The following SUPT5H variants were observed in gnomAD, a reference collection of about 807,000 sequenced individuals.
SUPT5H encodes SPT5 homolog, DSIF elongation factor subunit.
SUPT5H carries 24 observed loss-of-function variants against 142.5 expected under a neutral mutation model. That is an observed-to-expected ratio of 0.17 (90% CI 0.12 to 0.24). The LOEUF (loss-of-function observed/expected upper bound fraction) is 0.24, where lower values mean the gene tolerates loss of function less well. SUPT5H is among the 10% of genes least tolerant of loss of function. SUPT5H has a pLI of 1.00. For synonymous variants in SUPT5H, 546 were observed against 553.0 expected (o/e 0.99, Z 0.18); for missense variants, 893 against 1,471.8 (o/e 0.61, Z 6.43).
intron 13 of SUPT5H, chr19:39,467,957 C>A (rs2079265312): frequency 6.6e-6 from 1 of 152,296 alleles, no homozygotes; most frequent in East Asian, 1.9e-4. Context: ...GCTCCCTTAC[C>A]CCCCAGCAAG....
chr19:39,454,898 A>G lies in SUPT5H; in HGVS notation c.241+1377A>G, dbSNP rs80296507. Among the ~76,000 whole-genome samples the G allele has an allele frequency of 1.2e-3, 180 of 152,300 alleles. 2 individuals are homozygous for G. In the East Asian group the frequency reaches 0.025, roughly 21 times the overall value. On this transcript the variant is annotated intron_variant, in intron 3 of 29. Transcript: ENST00000432763. ...CAAGAGAATGGATACCATGCTGGGT[A>G]AAAGCTGTGGGTTCCCAGGGACACC...
At chr19:39,457,315 A>G (rs1346507610) in intron 3 of SUPT5H, among the ~76,000 whole-genome samples, 3 of 151,836 alleles carry the variant, frequency 2.0e-5, no homozygotes, top group Non-Finnish European at 3.0e-5. Context: ...TACAAGAATC[A>G]TAAAACCAAC....
At chr19:39,468,543 A>G in intron 13 of SUPT5H, 1 of 581,700 alleles carries the variant, frequency 1.7e-6, no homozygotes, top group Non-Finnish European at 3.1e-6. Context: ...GCTCAAAGAT[A>G]AATCAGGGAA....
intron 3 of SUPT5H, among the ~76,000 whole-genome samples, chr19:39,456,459 C>T (rs1047535329): frequency 6.6e-6 from 1 of 151,340 alleles, no homozygotes; most frequent in Non-Finnish European, 1.5e-5. Flanking sequence ...CCCTCTGTTG[C>T]CCAGGCTGGA....
intron 11 of SUPT5H, 31 bp downstream of exon 11, chr19:39,465,080 G>T: frequency 6.3e-7 from 1 of 1,596,158 alleles, no homozygotes; most frequent in Non-Finnish European, 8.6e-7. Context: ...TGGGGGTCAG[G>T]GTCCCTCCAT....
chr19:39,450,280 G>GC (rs1555741655), intron 2 of SUPT5H, among the ~76,000 whole-genome samples: 2 of 146,146 alleles, frequency 1.4e-5, no homozygotes, highest in Non-Finnish European at 3.0e-5. Flanking sequence ...GGGAGGCACA[G>GC]TTTTTTTTTT....
chr19:39,450,176 T>C (rs771536590), intron 2 of SUPT5H, among the ~76,000 whole-genome samples: 7 of 151,978 alleles, frequency 4.6e-5, no homozygotes, highest in Non-Finnish European at 7.4e-5. Flanking sequence ...TGGGCTCAAG[T>C]GATCCTTCTA....
In SUPT5H at chr19:39,471,759, G is replaced by A. The variant is rs1342617006; in HGVS notation, c.1950+29G>A. ...AGGTGGGCATGGCAGGACCCTGTGC[G>A]TTGGGTACCTGGCTCAGCTCTCCAA... On this transcript the variant is annotated intron_variant, in intron 20 of 29. Transcript: ENST00000432763. 9 of 1,603,146 alleles carry A rather than the reference G, an allele frequency of 5.6e-6. No individual in the cohort carries two copies. The East Asian group carries it at 8.9e-5, about 16-fold the overall frequency.
intron 10 of SUPT5H, among the ~76,000 whole-genome samples, chr19:39,460,837 TG>T (rs1488061584): frequency 6.6e-6 from 1 of 152,192 alleles, no homozygotes; most frequent in Non-Finnish European, 1.5e-5. Flanking sequence ...GCAAACGCTA[TG>T]AAGGGTGCTG....
At position 39,466,163 on chromosome 19, in the gene SUPT5H, C is replaced by T. The variant is rs1207487386; in HGVS notation, c.877-317C>T. Among the ~76,000 whole-genome samples the T allele has an allele frequency of 2.0e-5, 3 of 152,104 alleles. No individual in the cohort carries two copies. The East Asian group carries it at 5.8e-4, about 29-fold the overall frequency. ...AAACAAAGGAGTCAAGAGTGGCTCC[C>T]AGGTTGTGTGCCTGAGCAGAGGGAA... On this transcript the variant is annotated intron_variant, in intron 11 of 29. Transcript: ENST00000432763. This position sits in a 1 kb window ranked among gnomAD's most constrained non-coding sequence, Gnocchi z 4.3.
At chr19:39,446,111 A>G in intron 2 of SUPT5H, 146 bp downstream of exon 2, 1 of 925,344 alleles carries the variant, frequency 1.1e-6, no homozygotes, top group South Asian at 1.5e-5. Context: ...GAATTAGGCA[A>G]GTCGAAGTCA....
Position 39,459,854 on chromosome 19 carries a change from T to A in SUPT5H, c.556-38T>A, listed in dbSNP as rs1270770242. 5 of 1,609,476 alleles carry A rather than the reference T, an allele frequency of 3.1e-6. No homozygotes were observed. In the South Asian group the frequency reaches 4.4e-5, roughly 14 times the overall value. On this transcript the variant is annotated intron_variant, in intron 9 of 29. Transcript: ENST00000432763. The stretch of plus-strand genomic sequence containing the variant: ...CCCCTTTCCTGTGTCCTTTCCTCCA[T>A]CCTGTCATCTCTCTCAAATCTGCCT...
In SUPT5H at chr19:39,466,828, T is replaced by C; in HGVS notation, c.1037+83T>C. 6 of 1,384,218 alleles carry C rather than the reference T, an allele frequency of 4.3e-6. No homozygotes were observed. In the South Asian group the frequency reaches 7.0e-5, roughly 16 times the overall value. 85.7% of individuals were successfully genotyped at this position (1,384,218 alleles called of 1,614,324 possible). A position where few individuals can be genotyped will look rare whatever the true frequency, so the allele number is the denominator to read the frequency against. On this transcript the variant is annotated intron_variant, in intron 13 of 29. Coordinates refer to ENST00000432763, the MANE Select transcript of SUPT5H (RefSeq NM_001111020.3). The surrounding 1 kb of genome is among the most constrained non-coding windows in gnomAD (Gnocchi z 4.3). ...CCTTTTGCAGGTTCCTCCCCAGGGG[T>C]GGCCCCGCCACAGGTTTAGCCTGTG...
Position 39,459,929 on chromosome 19 carries a change from G to A in SUPT5H, c.593G>A (p.Arg198His), listed in dbSNP as rs1247172816. The A allele has an allele frequency of 2.5e-6, 4 of 1,613,924 alleles. No homozygotes were observed. Among genetic ancestry groups the A allele is most frequent in the East Asian group, 2.2e-5 (1 of 44,890 alleles). Reference protein sequence around the residue: ...EERATAISLMRKFIAYQFTDT... With the variant: ...EERATAISLMHKFIAYQFTDT... ...CGGGCCACGGCCATTTCCTTGATGCGCAAGTTCATTGCCTACCAGTTCACA... is the reference window on the plus strand; with the variant it reads ...CGGGCCACGGCCATTTCCTTGATGCACAAGTTCATTGCCTACCAGTTCACA... The change falls in exon 10 of 30, where the codon CGC (arginine) becomes CAC (histidine). Residue 198 changes from arginine to histidine, a missense_variant. Coordinates refer to ENST00000432763, the MANE Select transcript of SUPT5H (RefSeq NM_001111020.3).
Position 39,469,169 on chromosome 19 carries a change from A to G in SUPT5H, c.1234A>G (p.Thr412Ala). The G allele has an allele frequency of 6.2e-7, 1 of 1,614,216 alleles. No homozygotes were observed. The highest frequency in any genetic ancestry group is 8.5e-7 in the Non-Finnish European group (1 of 1,180,020). Residue 412 changes from threonine to alanine, a missense_variant, in exon 15 of 30, where the codon ACA becomes GCA. By Grantham distance (58) the Thr-to-Ala change is moderately conservative. Coordinates refer to ENST00000432763, the MANE Select transcript of SUPT5H (RefSeq NM_001111020.3). This position sits in a 1 kb window ranked among gnomAD's most constrained non-coding sequence, Gnocchi z 5.1. ...TGACCTGGAGGTGGTGACTGAGAGCACAGGTATTTGATCCCCCTCTATAAC... is the reference window on the plus strand; with the variant it reads ...TGACCTGGAGGTGGTGACTGAGAGCGCAGGTATTTGATCCCCCTCTATAAC... ...GIDLEVVTES[T>A]GKEREHNFQP...
chr19:39,456,773 G>A (rs1039903042), intron 3 of SUPT5H, among the ~76,000 whole-genome samples: 14 of 152,136 alleles, frequency 9.2e-5, no homozygotes, highest in African/African-American at 3.4e-4. Flanking sequence ...TGCCCAGGCC[G>A]GTTTCAAACT....
intron 8 of SUPT5H, 105 bp downstream of exon 8, chr19:39,459,354 C>T: frequency 1.4e-6 from 2 of 1,429,770 alleles, no homozygotes; most frequent in Non-Finnish European, 1.9e-6. Flanking sequence ...CAGAGTCACA[C>T]AGGCAGTGTG....
chr19:39,447,040 C>G (rs1030051701), intron 2 of SUPT5H, among the ~76,000 whole-genome samples: 4 of 151,832 alleles, frequency 2.6e-5, no homozygotes, highest in Admixed American at 2.6e-4. Context: ...TGGCACGCTT[C>G]TGTAGTCCCA....
intron 3 of SUPT5H, among the ~76,000 whole-genome samples, chr19:39,453,811 C>T (rs962467496): frequency 1.3e-5 from 2 of 152,150 alleles, no homozygotes; most frequent in African/African-American, 2.4e-5. Flanking sequence ...GTGATCTGCC[C>T]GCCTTGGCCT....
Sources: allele counts gnomAD v4.1 joint callset (sites outside exome capture counted in the v4.1 genomes callset), GRCh38; gene constraint gnomAD v4.1.1; non-coding constraint Gnocchi (gnomAD v3.1); transcripts MANE v1.5; gene names NCBI Gene and HGNC (gene_info 2026-07-23, HGNC 2026-07-21).